The following MBD5 variants were observed in gnomAD, a reference collection of about 807,000 sequenced individuals.
MBD5 encodes the protein methyl-CpG binding domain protein 5, also known as methyl-CpG-binding domain protein 5.
In MBD5, 13 loss-of-function variants were observed where a neutral mutation model predicts 117.3. That is an observed-to-expected ratio of 0.11 (90% CI 0.07 to 0.18). MBD5 has a LOEUF of 0.18. Ranked by LOEUF, MBD5 falls within the 10% of genes least tolerant of loss-of-function variation. The probability of loss-of-function intolerance (pLI) is 1.00; values close to 1 mark genes in which losing one functional copy is unlikely to be tolerated. For synonymous variants in MBD5, 727 were observed against 766.4 expected, an observed-to-expected ratio of 0.95 and a Z score of 0.85; for missense variants, 1,879 against 2,093.8, an observed-to-expected ratio of 0.90 and a Z score of 2.00.
At chr2:148,215,040 T>A (rs928568764) in intron 2 of MBD5, among the ~76,000 whole-genome samples, 2 of 152,226 alleles carry the variant, frequency 1.3e-5, no homozygotes, top group Non-Finnish European at 2.9e-5. Context: ...TGTTAATATA[T>A]CACTTAAAAC....
In MBD5 at chr2:148,426,051, A is replaced by T. The variant is rs574052539; in HGVS notation, c.-556-32152A>T. 2.2e-4 allele frequency among the ~76,000 whole-genome samples: 34 copies of T among 152,320 alleles called. No individual in the cohort carries two copies. In the East Asian group the frequency reaches 6.4e-3, roughly 29 times the overall value. On this transcript the variant is annotated intron_variant, in intron 4 of 13. Coordinates refer to ENST00000642680, the MANE Select transcript of MBD5 (RefSeq NM_001378120.1). ...AATCATGAGGGAACTCCCATTCACA[A>T]TTGCTTCAAAGAGAATAAAATACCT...
chr2:148,239,941 A>T (rs992533736), intron 3 of MBD5, among the ~76,000 whole-genome samples: 1 of 152,184 alleles, frequency 6.6e-6, no homozygotes. Context: ...ATTATAAATC[A>T]TGCTGCTATA....
chr2:148,280,131 C>CAAAAAAAAAAAAAAAAAA (rs3076398), intron 3 of MBD5, among the ~76,000 whole-genome samples: 8 of 91,882 alleles, frequency 8.7e-5, no homozygotes, highest in South Asian at 8.9e-4. Context: ...AAACTAACTG[C>CAAAAAAAAAAAAAAAAAA]AAAAAAAAAA....
intron 4 of MBD5, among the ~76,000 whole-genome samples, chr2:148,436,170 G>T (rs1476717448): frequency 6.6e-6 from 1 of 152,144 alleles, no homozygotes; most frequent in Non-Finnish European, 1.5e-5. Context: ...AATTCTGCCT[G>T]TTCTAGGAAG....
intron 4 of MBD5, among the ~76,000 whole-genome samples, chr2:148,395,616 G>T (rs530211379): frequency 6.6e-6 from 1 of 151,882 alleles, no homozygotes; most frequent in Non-Finnish European, 1.5e-5. Context: ...GTAGAGACAG[G>T]GTTTTACCAT....
At chr2:148,162,548 T>A (rs991062055) in intron 1 of MBD5, among the ~76,000 whole-genome samples, 5 of 152,008 alleles carry the variant, frequency 3.3e-5, no homozygotes, top group African/African-American at 1.2e-4. Context: ...ATATTTAGGA[T>A]GACATCTCTT....
chr2:148,066,957 A>C (rs1695214196), intron 1 of MBD5, among the ~76,000 whole-genome samples: 1 of 152,228 alleles, frequency 6.6e-6, no homozygotes, highest in Non-Finnish European at 1.5e-5. Flanking sequence ...TCATTGTATT[A>C]GAATTTTGAG....
intron 1 of MBD5, among the ~76,000 whole-genome samples, chr2:148,070,375 T>TA (rs1216237745): frequency 6.6e-6 from 1 of 152,204 alleles, no homozygotes; most frequent in African/African-American, 2.4e-5. Context: ...TTGCTACTAG[T>TA]AGGGCAGAGA....
At chr2:148,107,667 A>C (rs1264785239) in intron 1 of MBD5, among the ~76,000 whole-genome samples, 1 of 151,820 alleles carries the variant, frequency 6.6e-6, no homozygotes, top group Non-Finnish European at 1.5e-5. Flanking sequence ...CATTTTTAGA[A>C]ATTTTTTTTT....
intron 1 of MBD5, among the ~76,000 whole-genome samples, chr2:148,115,013 A>T (rs948368588): frequency 1.3e-5 from 2 of 152,124 alleles, no homozygotes; most frequent in African/African-American, 2.4e-5. Context: ...AAGTATCTGC[A>T]TATACATACA....
intron 2 of MBD5, among the ~76,000 whole-genome samples, chr2:148,226,297 G>A (rs1395071415): frequency 1.3e-5 from 2 of 151,926 alleles, no homozygotes; most frequent in Non-Finnish European, 2.9e-5. Flanking sequence ...GGTGTGTGAT[G>A]TTCCCCCTCC....
chr2:148,476,391 ATACT>A (rs1487797366), intron 8 of MBD5, among the ~76,000 whole-genome samples: 1 of 152,228 alleles, frequency 6.6e-6, no homozygotes, highest in Non-Finnish European at 1.5e-5. Context: ...CATGAAACAA[ATACT>A]TATTACATGT....
chr2:148,035,170 G>GA (rs1694155721), intron 1 of MBD5, among the ~76,000 whole-genome samples: 2 of 151,638 alleles, frequency 1.3e-5, no homozygotes, highest in South Asian at 2.1e-4. Flanking sequence ...GAAAAAAAAT[G>GA]AAAAAAATGG....
At chr2:148,327,817 C>T (rs144193139) in intron 3 of MBD5, among the ~76,000 whole-genome samples, 2,336 of 152,248 alleles carry the variant, frequency 0.015, 77 homozygotes, top group Admixed American at 0.079. Context: ...GTAATTTGAT[C>T]GTCTGAAGCC....
intron 3 of MBD5, among the ~76,000 whole-genome samples, chr2:148,276,724 T>A (rs780611922): frequency 6.6e-6 from 1 of 152,216 alleles, no homozygotes; most frequent in Admixed American, 6.5e-5. Flanking sequence ...CCTTTAGTTA[T>A]CATGTAAGAG....
intron 1 of MBD5, among the ~76,000 whole-genome samples, chr2:148,035,234 A>G (rs1694157535): frequency 6.6e-6 from 1 of 152,132 alleles, no homozygotes; most frequent in Non-Finnish European, 1.5e-5. Flanking sequence ...ATTCTAAGAG[A>G]GGGAAGATAT....
chr2:148,258,793 C>T (rs1433245825), intron 3 of MBD5, among the ~76,000 whole-genome samples: 1 of 152,210 alleles, frequency 6.6e-6, no homozygotes, highest in Non-Finnish European at 1.5e-5. Flanking sequence ...GAGCGTGTCA[C>T]TTGTTGAGGC....
At position 148,381,482 on chromosome 2, in the gene MBD5, T is replaced by C. The variant is rs530228771; in HGVS notation, c.-557+39146T>C. On this transcript the variant is annotated intron_variant, in intron 4 of 13. Transcript: ENST00000642680. ...GTGAAAAGACCAAATCTACGTCTAA[T>C]TGGTGTACCTGAAAGTGACGGGGAG... Among the ~76,000 whole-genome samples, 251 of 152,316 alleles carry C rather than the reference T, an allele frequency of 1.6e-3. 2 individuals carry two copies. Among genetic ancestry groups the C allele is most frequent in the African/African-American group, 5.2e-3 (217 of 41,566 alleles).
rs1706964591 is a variant in MBD5 at position 148,458,798 on chromosome 2, G to A, written c.40G>A (p.Gly14Arg). The change falls in exon 5 of 14, where the codon GGA becomes AGA. Residue 14 changes from glycine (G) to arginine (R), a missense_variant. Around this residue, in one of 4 missense-constraint regions of MBD5, gnomAD observed 71 missense variants for 129.2 expected, o/e 0.55. Transcript: ENST00000642680. ...GKECDGGDKE[G>R]GLPAIQVPVG... ...AGAGTGTGACGGAGGGGACAAGGAAGGAGGTCTTCCAGCTATACAAGTTCC... is the reference window on the plus strand; with the variant it reads ...AGAGTGTGACGGAGGGGACAAGGAAAGAGGTCTTCCAGCTATACAAGTTCC... 6.2e-7 allele frequency: 1 copy of A among 1,613,680 alleles called. No individual in the cohort carries two copies. Among genetic ancestry groups the A allele is most frequent in the African/African-American group, 1.3e-5 (1 of 74,996 alleles).
Sources: gnomAD v4.1 joint callset for allele counts (sites outside exome capture counted in the v4.1 genomes callset) on GRCh38, gnomAD v4.1.1 for gene constraint, gnomAD v4.1.1 regional missense constraint, MANE v1.5 for transcripts, NCBI Gene and HGNC (gene_info 2026-07-23, HGNC 2026-07-21) for gene names.